DNMT3A: variants seen among roughly 807,000 people sequenced by gnomAD.
The protein encoded by DNMT3A is DNA methyltransferase 3 alpha, also known as DNA (cytosine-5)-methyltransferase 3A.
DNMT3A carries 267 observed loss-of-function variants against 117.6 expected under a neutral mutation model. That is an observed-to-expected ratio of 2.27 (90% confidence interval 2.05 to 2.51). The LOEUF is 2.51. DNMT3A is among the 30% of genes most tolerant of loss of function. DNMT3A has a pLI of 0.00. For missense variants in DNMT3A, 1,029 were observed against 1,260.2 expected, an observed-to-expected ratio of 0.82 and a Z score of 2.78; for synonymous variants, 432 against 474.8, an observed-to-expected ratio of 0.91 and a Z score of 1.17.
In DNMT3A at chr2:25,257,576, G is replaced by A. The variant is rs1676266836; in HGVS notation, c.640-9324C>T. ...TCCTGACAAGACTAGGCTGTAAGGG[G>A]CTCTCCAGAAGCTCCTGGAAGCCCG... On this transcript the variant is annotated intron_variant, in intron 6 of 22. Coordinates refer to ENST00000321117, the MANE Select transcript of DNMT3A (RefSeq NM_022552.5). The surrounding 1 kb of genome is among the most constrained non-coding windows in gnomAD (Gnocchi z 4.8). Among the ~76,000 whole-genome samples, 1 of 152,146 alleles carries A rather than the reference G, an allele frequency of 6.6e-6. No individual in the cohort carries two copies. Among genetic ancestry groups the A allele is most frequent in the Non-Finnish European group, 1.5e-5 (1 of 68,012 alleles).
At chr2:25,313,815 C>CGGTCATGCACTCAGTATGAGGAGCCGGCT in intron 2 of DNMT3A, 98 bp downstream of exon 2, 1 of 1,495,412 alleles carries the variant, frequency 6.7e-7, no homozygotes, top group Non-Finnish European at 9.1e-7. Flanking sequence ...CTGAGTGATG[C>CGGTCATGCACTCAGTATGAGGAGCCGGCT]GGTCATGCAC....
rs1674423563 is a variant in DNMT3A at position 25,244,142 on chromosome 2, G to A, written c.1851+13C>T. Reference sequence around the variant, plus strand: ...AAGGGAGCTCGAGACCGCGCCCCAGGCCCAGCACTCACAAATTCCTGGTCG... The same window carrying A: ...AAGGGAGCTCGAGACCGCGCCCCAGACCCAGCACTCACAAATTCCTGGTCG... On this transcript the variant is annotated intron_variant, in intron 15 of 22. Coordinates refer to ENST00000321117, the MANE Select transcript of DNMT3A (RefSeq NM_022552.5). 2.5e-6 allele frequency: 4 copies of A among 1,613,944 alleles called. No individual in the cohort carries two copies. Among genetic ancestry groups the A allele is most frequent in the Non-Finnish European group, 3.4e-6 (4 of 1,180,018 alleles).
chr2:25,341,984 C>G (rs960043371), upstream of DNMT3A: 206 of 964,276 alleles, frequency 2.1e-4, no homozygotes, highest in African/African-American at 3.5e-3. Context: ...TCCCTCCGCT[C>G]GCTGTCGCGC....
intron 2 of DNMT3A, among the ~76,000 whole-genome samples, chr2:25,302,189 G>A (rs1361835345): frequency 6.6e-6 from 1 of 152,070 alleles, no homozygotes; most frequent in African/African-American, 2.4e-5. Context: ...AGCTCACACA[G>A]GAGATAGAGA....
At chr2:25,274,803 G>T in intron 6 of DNMT3A, 138 bp downstream of exon 6, 1 of 1,250,192 alleles carries the variant, frequency 8.0e-7, no homozygotes, top group Non-Finnish European at 1.1e-6. Context: ...AGGAGCAGAT[G>T]AACCAGTCAT....
chr2:25,300,938 A>C (rs1056825437), intron 2 of DNMT3A, among the ~76,000 whole-genome samples: 2 of 150,710 alleles, frequency 1.3e-5, no homozygotes, highest in East Asian at 3.9e-4. Context: ...TCACAGATAC[A>C]CAATTACATT....
intron 16 of DNMT3A, among the ~76,000 whole-genome samples, chr2:25,243,657 C>T (rs1674342056): frequency 6.6e-6 from 1 of 152,224 alleles, no homozygotes; most frequent in Non-Finnish European, 1.5e-5. Flanking sequence ...CTGAATCTTC[C>T]TTACTAAGGA....
rs1247198480 is a variant in DNMT3A, at chr2:25,286,417, C to T, written c.178-3706G>A. Among the ~76,000 whole-genome samples, 2 of 152,242 alleles carry T rather than the reference C, an allele frequency of 1.3e-5. No individual in the cohort carries two copies. The highest frequency in any genetic ancestry group is 1.9e-4 in the East Asian group (1 of 5,208). ...GGGGCATGTTGCACATTTCCAGCCC[C>T]GGGTTAGCTCACCCGCTGAAATCCC... On this transcript the variant is annotated intron_variant, in intron 3 of 22. Coordinates refer to ENST00000321117, the MANE Select transcript of DNMT3A (RefSeq NM_022552.5). This position sits in a 1 kb window ranked among gnomAD's most constrained non-coding sequence, Gnocchi z 4.3.
At chr2:25,310,867 C>T (rs2034076135) in intron 2 of DNMT3A, among the ~76,000 whole-genome samples, 1 of 152,186 alleles carries the variant, frequency 6.6e-6, no homozygotes. Context: ...CTCAGCAGGT[C>T]TGGAATGGGG....
At chr2:25,272,388 G>A (rs2030986387) in intron 6 of DNMT3A, among the ~76,000 whole-genome samples, 2 of 151,846 alleles carry the variant, frequency 1.3e-5, no homozygotes, top group African/African-American at 4.8e-5. Context: ...TTTTTTCACT[G>A]TAACTGAGGG....
intron 3 of DNMT3A, among the ~76,000 whole-genome samples, chr2:25,292,333 G>C (rs2032819465): frequency 6.6e-6 from 1 of 150,392 alleles, no homozygotes; most frequent in Non-Finnish European, 1.5e-5. Flanking sequence ...CTGGGCAACA[G>C]AGTGAGAATC....
intron 4 of DNMT3A, among the ~76,000 whole-genome samples, chr2:25,279,271 C>T (rs1012326602): frequency 6.6e-6 from 1 of 152,180 alleles, no homozygotes; most frequent in African/African-American, 2.4e-5. Flanking sequence ...CTACAAGAAA[C>T]GCTGCCTTAA....
chr2:25,298,683 TCTGCTGCCAGC>T lies in DNMT3A; in HGVS notation c.177+1445_177+1455del, dbSNP rs1479016437. Among the ~76,000 whole-genome samples the T allele has an allele frequency of 6.6e-6, 1 of 152,038 alleles. No homozygotes were observed. Among genetic ancestry groups the T allele is most frequent in the Non-Finnish European group, 1.5e-5 (1 of 68,000 alleles). On this transcript the variant is annotated intron_variant, in intron 3 of 22. Coordinates refer to ENST00000321117, the MANE Select transcript of DNMT3A (RefSeq NM_022552.5). The surrounding 1 kb of genome is among the most constrained non-coding windows in gnomAD (Gnocchi z 4.3). The stretch of plus-strand genomic sequence containing the variant: ...GTGCAGGGGCCCTGGGAATCTGGAG[TCTGCTGCCAGC>T]CAGAAAGTCCTCTCTGAAGCCCCGT...
intron 6 of DNMT3A, chr2:25,251,958 G>T: frequency 2.0e-6 from 1 of 501,762 alleles, no homozygotes; most frequent in Non-Finnish European, 3.5e-6. Context: ...CCCCGAGGGC[G>T]CCAGGTGCCA....
chr2:25,276,671 C>T (rs1004959562), intron 4 of DNMT3A, among the ~76,000 whole-genome samples: 4 of 152,296 alleles, frequency 2.6e-5, no homozygotes, highest in Admixed American at 2.0e-4. Flanking sequence ...ATTCTGCCTC[C>T]CATAGCTTCT....
At chr2:25,251,490 G>A (rs1675555595) in intron 6 of DNMT3A, among the ~76,000 whole-genome samples, 1 of 152,132 alleles carries the variant, frequency 6.6e-6, no homozygotes, top group Non-Finnish European at 1.5e-5. Context: ...GGGAACTCCG[G>A]TGACTACTGC....
At chr2:25,240,925 T>C (rs1413126274) in intron 17 of DNMT3A, among the ~76,000 whole-genome samples, 195 bp from the exon 18 acceptor site, 1 of 152,150 alleles carries the variant, frequency 6.6e-6, no homozygotes, top group East Asian at 1.9e-4. Context: ...AGTTGGATCA[T>C]TTCTTAGGCC....
intron 6 of DNMT3A, chr2:25,249,593 C>CT (rs1463412848): frequency 4.0e-5 from 64 of 1,590,850 alleles, no homozygotes; most frequent in Non-Finnish European, 5.3e-5. Context: ...CTCTGCCATC[C>CT]CACCAACAAA....
At chr2:25,324,843 T>C (rs1235649751) in intron 1 of DNMT3A, among the ~76,000 whole-genome samples, 2 of 152,134 alleles carry the variant, frequency 1.3e-5, no homozygotes, top group Non-Finnish European at 2.9e-5. Context: ...AAACATTACT[T>C]GCACCCAAAC....
Sources: allele counts gnomAD v4.1 joint callset (sites outside exome capture counted in the v4.1 genomes callset), GRCh38; gene constraint gnomAD v4.1.1; non-coding constraint Gnocchi (gnomAD v3.1); transcripts MANE v1.5; gene names NCBI Gene and HGNC (gene_info 2026-07-23, HGNC 2026-07-21).